The following PWWP3B variants were observed in gnomAD, a reference collection of about 807,000 sequenced individuals.
PWWP3B encodes the protein PWWP domain-containing DNA repair factor 3B.
A neutral mutation model predicts 15.7 loss-of-function variants in PWWP3B; 5 were observed. That is an observed-to-expected ratio of 0.32 (90% CI 0.17 to 0.67). The LOEUF (loss-of-function observed/expected upper bound fraction) is 0.67, where lower values mean the gene tolerates loss of function less well. Ranked by LOEUF, PWWP3B falls within the 30% of genes least tolerant of loss-of-function variation. The pLI is 0.74. For synonymous variants in PWWP3B, 203 were observed against 179.8 expected, an observed-to-expected ratio of 1.13 and a Z score of -1.03; for missense variants, 519 against 493.1, an observed-to-expected ratio of 1.05 and a Z score of -0.50.
chrX:106,176,472 G>A (rs1010227676), intron 2 of PWWP3B, among the ~76,000 whole-genome samples: 17 of 111,769 alleles, frequency 1.5e-4, no homozygotes, highest in African/African-American at 5.2e-4. Context: ...GGCACCATAT[G>A]AGCTTGCCCT....
At chrX:106,186,896 C>G (rs1255100511) in intron 2 of PWWP3B, among the ~76,000 whole-genome samples, 1 of 111,925 alleles carries the variant, frequency 8.9e-6, no homozygotes, top group Non-Finnish European at 1.9e-5. Context: ...TTTAGCTAGA[C>G]ACAGAGCACT....
intron 2 of PWWP3B, among the ~76,000 whole-genome samples, chrX:106,178,506 T>C (rs146414706): frequency 1.9e-3 from 213 of 112,437 alleles, no homozygotes; most frequent in African/African-American, 6.7e-3. Flanking sequence ...AATGGAATTA[T>C]TTGTGCAGTT....
At chrX:106,183,820 T>C (rs1466192510) in intron 2 of PWWP3B, among the ~76,000 whole-genome samples, 1 of 112,133 alleles carries the variant, frequency 8.9e-6, no homozygotes, top group Non-Finnish European at 1.9e-5. Context: ...GGTGATGACA[T>C]GAGCTGGCGC....
chrX:106,185,092 T>G (rs1186836349), intron 2 of PWWP3B, among the ~76,000 whole-genome samples: 1 of 112,003 alleles, frequency 8.9e-6, no homozygotes, highest in Non-Finnish European at 1.9e-5. Context: ...CCATTTGCCC[T>G]CCCTGTTACA....
At chrX:106,180,558 C>G (rs1237145099) in intron 2 of PWWP3B, among the ~76,000 whole-genome samples, 1 of 111,698 alleles carries the variant, frequency 9.0e-6, no homozygotes, top group African/African-American at 3.3e-5. Flanking sequence ...ATTCAAGCTT[C>G]CTTGTGAGTT....
At chrX:106,175,995 T>C (rs1187522278) in intron 2 of PWWP3B, among the ~76,000 whole-genome samples, 2 of 111,770 alleles carry the variant, frequency 1.8e-5, no homozygotes, top group Non-Finnish European at 3.8e-5. Context: ...GAGTTGCAGA[T>C]GGAAGCCAAA....
intron 2 of PWWP3B, among the ~76,000 whole-genome samples, chrX:106,201,389 C>T (rs1923698867): frequency 8.9e-6 from 1 of 112,448 alleles, no homozygotes; most frequent in Admixed American, 9.3e-5. Context: ...GTTTAAAATT[C>T]ACCTATGGGG....
In PWWP3B at chrX:106,180,038, T is replaced by A. The variant is rs1438758920; in HGVS notation, c.-401+8899T>A. Reference sequence around the variant, plus strand: ...ATGAATCTCCGACTTCTAAGTTTTTTCTCTTAAGAAGGTCGTTGTTGTCTG... The same window carrying A: ...ATGAATCTCCGACTTCTAAGTTTTTACTCTTAAGAAGGTCGTTGTTGTCTG... On this transcript the variant is annotated intron_variant, in intron 2 of 3. Coordinates refer to ENST00000357175, the MANE Select transcript of PWWP3B (RefSeq NM_001171020.2). Among the ~76,000 whole-genome samples the A allele has an allele frequency of 2.7e-5, 3 of 111,347 alleles. No homozygotes were observed. In the Admixed American group the frequency reaches 2.9e-4, roughly 11 times the overall value.
At chrX:106,175,212 G>A (rs1180534314) in intron 2 of PWWP3B, among the ~76,000 whole-genome samples, 4 of 105,455 alleles carry the variant, frequency 3.8e-5, no homozygotes, top group Non-Finnish European at 7.8e-5. Flanking sequence ...ATGAGACTAA[G>A]CAACACTCAC....
intron 2 of PWWP3B, among the ~76,000 whole-genome samples, chrX:106,186,414 C>T (rs543843148): frequency 3.1e-4 from 35 of 111,465 alleles, no homozygotes; most frequent in Admixed American, 2.3e-3. Flanking sequence ...GTCTTTAGTC[C>T]GGCAGCCACG....
rs916913382 is a variant in PWWP3B at position 106,206,248 on chromosome X, C to T, written c.816C>T (p.Cys272=). 1 of 1,206,503 alleles carries T rather than the reference C, an allele frequency of 8.3e-7. No homozygotes were observed. Among genetic ancestry groups the T allele is most frequent in the Admixed American group, 2.2e-5 (1 of 45,524 alleles). ...CLETLAVPSE[C]SAFSENIEDP... is the part of the protein sequence containing the mutation. ...AGACCCTGGCTGTTCCCTCTGAATGCTCTGCTTTCTCAGAGAATATTGAGG... is the reference window on the plus strand; with the variant it reads ...AGACCCTGGCTGTTCCCTCTGAATGTTCTGCTTTCTCAGAGAATATTGAGG... The change falls in exon 4 of 4, where the codon TGC becomes TGT. Residue 272 remains cysteine, a synonymous_variant. Coordinates refer to ENST00000357175, the MANE Select transcript of PWWP3B (RefSeq NM_001171020.2).
At chrX:106,197,635 G>A (rs940107251) in intron 2 of PWWP3B, among the ~76,000 whole-genome samples, 1 of 112,468 alleles carries the variant, frequency 8.9e-6, no homozygotes, top group African/African-American at 3.2e-5. Flanking sequence ...AAGTGTGTAC[G>A]TGTTGGGGTT....
chrX:106,187,159 C>T (rs1450774945), intron 2 of PWWP3B, among the ~76,000 whole-genome samples: 1 of 111,597 alleles, frequency 9.0e-6, no homozygotes, highest in Non-Finnish European at 1.9e-5. Context: ...TTAAATTCCC[C>T]AGGGCAAACC....
rs770265736 is a variant in PWWP3B at position 106,175,496 on chromosome X, T to C, written c.-401+4357T>C. On this transcript the variant is annotated intron_variant, in intron 2 of 3. Transcript: ENST00000357175. Reference sequence around the variant, plus strand: ...ACCTCATGATCTGCCCACCTCGGCCTCCCAAAGTGCTGGTATTACCGGTGT... The same window carrying C: ...ACCTCATGATCTGCCCACCTCGGCCCCCCAAAGTGCTGGTATTACCGGTGT... 4.5e-5 allele frequency among the ~76,000 whole-genome samples: 5 copies of C among 110,266 alleles called. No individual in the cohort carries two copies. The South Asian group carries it at 1.6e-3, about 35-fold the overall frequency.
intron 2 of PWWP3B, among the ~76,000 whole-genome samples, chrX:106,184,345 G>A (rs942192790): frequency 1.4e-4 from 16 of 111,425 alleles, no homozygotes; most frequent in African/African-American, 2.0e-4. Context: ...TCCCATAGCC[G>A]CTGGAGAAAG....
intron 2 of PWWP3B, among the ~76,000 whole-genome samples, chrX:106,172,100 A>C (rs1921651059): frequency 9.0e-6 from 1 of 111,032 alleles, no homozygotes; most frequent in African/African-American, 3.3e-5. Context: ...AAGACAAAAA[A>C]TGGTATACCT....
In PWWP3B at chrX:106,206,041, T is replaced by C. The variant is rs1923990632; in HGVS notation, c.609T>C (p.Asn203=). 1.7e-6 allele frequency: 2 copies of C among 1,209,353 alleles called. No homozygotes were observed. The highest frequency in any genetic ancestry group is 1.8e-5 in the South Asian group (1 of 56,473). The change falls in exon 4 of 4, where the codon AAT becomes AAC. Residue 203 remains asparagine, a synonymous_variant. Transcript: ENST00000357175. ...CETFPSLSED[N]DEKENKNKID... is the part of the protein sequence containing the mutation. ...CTTTCCCTTCACTTTCGGAAGATAA[T>C]GATGAAAAAGAGAACAAGAATAAGA...
In PWWP3B at chrX:106,207,176, T is replaced by A. The variant is rs749797977; in HGVS notation, c.1744T>A (p.Trp582Arg). 1 of 1,207,012 alleles carries A rather than the reference T, an allele frequency of 8.3e-7. No homozygotes were observed. Among genetic ancestry groups the A allele is most frequent in the Non-Finnish European group, 1.1e-6 (1 of 892,814 alleles). ...TGTAAATGGCACAAAAGGATCCAGA[T>A]GGCTGAAATCATTTTTGAATGCAAA... ...AIVNGTKGSRWLKSFLNANRF... is the reference protein window; with the variant it reads ...AIVNGTKGSRRLKSFLNANRF... Residue 582 changes from tryptophan (W) to arginine (R), a missense_variant, in exon 4 of 4, where the codon TGG (tryptophan) becomes AGG (arginine). Physicochemically the swap from Trp to Arg is moderately radical, Grantham distance 101. Transcript: ENST00000357175.
chrX:106,204,629 G>A (rs746960995), intron 3 of PWWP3B, among the ~76,000 whole-genome samples: 2 of 112,134 alleles, frequency 1.8e-5, no homozygotes, highest in Non-Finnish European at 3.8e-5. Context: ...TTGTCTGCCT[G>A]CTCCAGGTGA....
Sources: allele counts gnomAD v4.1 joint callset (sites outside exome capture counted in the v4.1 genomes callset), GRCh38; gene constraint gnomAD v4.1.1; transcripts MANE v1.5; gene names NCBI Gene and HGNC (gene_info 2026-07-23, HGNC 2026-07-21).